Variants in RXFP2 observed in about 807,000 individuals in gnomAD.
RXFP2 encodes relaxin family peptide receptor 2, also known as relaxin receptor 2.
In RXFP2, 68 loss-of-function variants were observed where a neutral mutation model predicts 88.6. That is an observed-to-expected ratio of 0.77 (90% CI 0.63 to 0.94). The LOEUF is 0.94. Among genes scored for constraint, RXFP2 ranks in the 40% least tolerant of loss-of-function variants. The pLI, the probability that RXFP2 is intolerant of heterozygous loss-of-function variation, is 0.00. For missense variants in RXFP2, 791 were observed against 893.9 expected, an observed-to-expected ratio of 0.88 and a Z score of 1.47; for synonymous variants, 329 against 306.8, an observed-to-expected ratio of 1.07 and a Z score of -0.76.
rs1392627696 is a variant in RXFP2, at chr13:31,774,669, G to T, written c.547G>T (p.Gly183Ter). 4.5e-6 allele frequency: 7 copies of T among 1,547,948 alleles called. No individual in the cohort carries two copies. The East Asian group carries it at 1.6e-4, about 35-fold the overall frequency. The change falls in exon 6 of 18, where the codon GGA becomes TGA. Residue 183 changes from glycine (G) to a stop codon, truncating the protein, a stop_gained. Coordinates refer to ENST00000298386, the MANE Select transcript of RXFP2 (RefSeq NM_130806.5). LOFTEE classifies it high-confidence loss of function. ...IRHISRKAFF[G>*]LCNLQILYLN... is the part of the protein sequence containing the mutation. ...ACACATATCCAGGAAAGCATTTTTT[G>T]GATTATGTAATCTGCAAATATTGTG...
intron 5 of RXFP2, among the ~76,000 whole-genome samples, chr13:31,770,999 G>A (rs1377522434): frequency 6.6e-6 from 1 of 152,016 alleles, no homozygotes; most frequent in African/African-American, 2.4e-5. Flanking sequence ...CTCAAAGGAT[G>A]TTGAGAAGAG....
At chr13:31,778,448 TAA>T in intron 8 of RXFP2, 62 bp from the exon 9 acceptor site, 1 of 1,141,330 alleles carries the variant, frequency 8.8e-7, no homozygotes, top group South Asian at 1.3e-5. Context: ...TTTAAAATAA[TAA>T]AAAGACTGTC....
intron 17 of RXFP2, among the ~76,000 whole-genome samples, chr13:31,799,282 A>G (rs1438427979): frequency 1.3e-5 from 2 of 151,580 alleles, no homozygotes; most frequent in Non-Finnish European, 2.9e-5. Context: ...TGTGATCCCA[A>G]CTGACTGCAA....
chr13:31,761,222 G>A (rs1872286383), intron 2 of RXFP2, among the ~76,000 whole-genome samples: 1 of 152,158 alleles, frequency 6.6e-6, no homozygotes, highest in Admixed American at 6.5e-5. Flanking sequence ...CCAAAGTGCT[G>A]AGGTTACAGA....
chr13:31,801,895 G>A (rs1227445946), intron 17 of RXFP2, among the ~76,000 whole-genome samples: 1 of 152,144 alleles, frequency 6.6e-6, no homozygotes, highest in Non-Finnish European at 1.5e-5. Context: ...TTTACAAAAT[G>A]TTTTCACATA....
intron 3 of RXFP2, among the ~76,000 whole-genome samples, chr13:31,763,253 T>C (rs919288459): frequency 2.0e-5 from 3 of 151,968 alleles, no homozygotes; most frequent in Admixed American, 2.0e-4. Flanking sequence ...CCTGGCTAAT[T>C]TTCATATTCT....
rs1165846208 is a variant in RXFP2, at chr13:31,765,151, AACTT to A, written c.425+11_425+14del. The A allele has an allele frequency of 5.3e-6, 8 of 1,505,450 alleles. No individual in the cohort carries two copies. The highest frequency in any genetic ancestry group is 1.1e-5 in the South Asian group (1 of 88,826). 93.3% of individuals were successfully genotyped at this position (1,505,450 alleles called of 1,614,324 possible). On this transcript the variant is annotated intron_variant, in intron 4 of 17. Transcript: ENST00000298386. ...AACAATGTGACATTACTGTGAGTAAAACTTAATTATTGGTGATATCTGTCCCTAT... is the reference window on the plus strand; with the variant it reads ...AACAATGTGACATTACTGTGAGTAAAAATTATTGGTGATATCTGTCCCTAT...
At chr13:31,764,243 TCACACACACACACACACACACA>T (rs56132108) in intron 3 of RXFP2, among the ~76,000 whole-genome samples, 3 of 131,688 alleles carry the variant, frequency 2.3e-5, no homozygotes, top group Non-Finnish European at 3.3e-5. Flanking sequence ...TCTCTCTCTT[TCACACACACACACACACACACA>T]CACACACACA....
intron 14 of RXFP2, among the ~76,000 whole-genome samples, chr13:31,789,998 G>T (rs1873722563): frequency 6.6e-6 from 1 of 152,154 alleles, no homozygotes; most frequent in Admixed American, 6.5e-5. Flanking sequence ...TCATTTCCTT[G>T]TTGTAGGCAG....
chr13:31,777,300 C>A, intron 7 of RXFP2, 76 bp from the exon 8 acceptor site: 1 of 946,320 alleles, frequency 1.1e-6, no homozygotes, highest in Non-Finnish European at 1.7e-6. Context: ...AGGAGTAGGC[C>A]AGGTGTTGAG....
chr13:31,796,375 T>C (rs1296782991), intron 16 of RXFP2, among the ~76,000 whole-genome samples: 2 of 151,902 alleles, frequency 1.3e-5, no homozygotes, highest in African/African-American at 4.8e-5. Context: ...ATATTCATGA[T>C]AAATTCCAAG....
At chr13:31,754,392 G>C (rs532195261) in intron 1 of RXFP2, among the ~76,000 whole-genome samples, 7 of 152,128 alleles carry the variant, frequency 4.6e-5, no homozygotes, top group Non-Finnish European at 7.3e-5. Flanking sequence ...ATAGCCGGGC[G>C]TGGTGGCGTG....
chr13:31,768,593 T>G (rs1872633083), intron 5 of RXFP2, among the ~76,000 whole-genome samples: 2 of 152,212 alleles, frequency 1.3e-5, no homozygotes, highest in South Asian at 2.1e-4. Context: ...CCATGCTCCT[T>G]TGGAAGCCCA....
intron 9 of RXFP2, among the ~76,000 whole-genome samples, chr13:31,781,349 T>C (rs1254573613): frequency 1.3e-5 from 2 of 152,100 alleles, no homozygotes; most frequent in Admixed American, 1.3e-4. Context: ...GTGTGATGCG[T>C]GTAGAACAGC....
At chr13:31,798,440 A>G (rs1874161410) in intron 17 of RXFP2, among the ~76,000 whole-genome samples, 1 of 152,332 alleles carries the variant, frequency 6.6e-6, no homozygotes, top group South Asian at 2.1e-4. Flanking sequence ...CTGGGTGGTG[A>G]AAGAAGAAGC....
intron 11 of RXFP2, among the ~76,000 whole-genome samples, chr13:31,783,983 A>ATTTTTTTTTTTTT (rs10686799): frequency 4.9e-5 from 6 of 121,572 alleles, no homozygotes; most frequent in East Asian, 2.6e-4. Flanking sequence ...TGCCTGGCTA[A>ATTTTTTTTTTTTT]TTTTTTTTTT....
intron 17 of RXFP2, 30 bp from the exon 18 acceptor site, chr13:31,802,115 CT>C (rs770603806): frequency 2.5e-5 from 41 of 1,610,254 alleles, no homozygotes; most frequent in Non-Finnish European, 3.2e-5. Context: ...AAAACTTCAA[CT>C]TTTTTTTCAC....
chr13:31,794,495 A>G (rs1359791427), intron 16 of RXFP2, among the ~76,000 whole-genome samples: 1 of 152,068 alleles, frequency 6.6e-6, no homozygotes. Flanking sequence ...GGGAGAAACA[A>G]CAGATCCAGC....
At chr13:31,749,729 T>C (rs992469382) in intron 1 of RXFP2, among the ~76,000 whole-genome samples, 2 of 152,234 alleles carry the variant, frequency 1.3e-5, no homozygotes, top group African/African-American at 2.4e-5. Context: ...AAAAATACAA[T>C]TGACTTTATA....
Sources: gnomAD v4.1 joint callset for allele counts (sites outside exome capture counted in the v4.1 genomes callset) on GRCh38, gnomAD v4.1.1 for gene constraint, MANE v1.5 for transcripts, NCBI Gene and HGNC (gene_info 2026-07-23, HGNC 2026-07-21) for gene names.